AHI1: variants seen among roughly 807,000 people sequenced by gnomAD.
AHI1 encodes Abelson helper integration site 1.
Under a neutral mutation model 149.3 loss-of-function variants are expected in AHI1, and 123 were observed. That is an observed-to-expected ratio of 0.82 (90% CI 0.71 to 0.96). AHI1 has a LOEUF of 0.96. Ranked by LOEUF, AHI1 falls within the 40% of genes least tolerant of loss-of-function variation. AHI1 has a pLI of 0.00. For synonymous variants in AHI1, 475 were observed against 459.8 expected (o/e 1.03, Z -0.42); for missense variants, 1,439 against 1,422.7 (o/e 1.01, Z -0.18).
intron 26 of AHI1, chr6:135,301,734 A>G (rs984464395): frequency 1.0e-6 from 1 of 985,468 alleles, no homozygotes; most frequent in Non-Finnish European, 1.2e-6. Flanking sequence ...ACAACAAAAG[A>G]ACCCATGACA....
At chr6:135,454,257 A>G (rs1182365064) in intron 10 of AHI1, among the ~76,000 whole-genome samples, 2 of 152,228 alleles carry the variant, frequency 1.3e-5, no homozygotes, top group African/African-American at 4.8e-5. Context: ...ATTCCTAAAC[A>G]TATGTGTGGA....
chr6:135,403,423 G>A (rs886419783), intron 22 of AHI1, among the ~76,000 whole-genome samples: 10 of 152,064 alleles, frequency 6.6e-5, no homozygotes, highest in Admixed American at 6.5e-4. Context: ...TTTTCAATGA[G>A]TATTTATTCT....
rs566836128 is a variant in AHI1, at chr6:135,474,733, T to C, written c.136-7099A>G. On this transcript the variant is annotated intron_variant, in intron 5 of 28. Coordinates refer to ENST00000265602, the MANE Select transcript of AHI1 (RefSeq NM_001134831.2). ...TATGGTGAATTACATTGGATGCTTT[T>C]TCTAACACTGAACTGACAGTATATT... 3 of 152,354 alleles carry C rather than the reference T, an allele frequency of 2.0e-5. No homozygotes were observed. In the South Asian group the frequency reaches 6.2e-4, roughly 32 times the overall value. 9.4% of individuals were successfully genotyped at this position (152,354 alleles called of 1,614,324 possible).
At chr6:135,382,913 AAAAAAAAAAAAAAATATAT>A (rs1221894306) in intron 23 of AHI1, among the ~76,000 whole-genome samples, 2 of 104,426 alleles carry the variant, frequency 1.9e-5, no homozygotes, top group Admixed American at 2.1e-4. Context: ...AAAAAAAAAA[AAAAAAAAAAAAAAATATAT>A]ATATATATAT....
intron 14 of AHI1, 139 bp from the exon 15 acceptor site, chr6:135,438,637 A>C (rs940951291): frequency 9.0e-5 from 56 of 625,142 alleles, no homozygotes; most frequent in Non-Finnish European, 1.2e-4. Context: ...GCACAGAGAA[A>C]ATTTCAAAAT....
intron 28 of AHI1, 112 bp downstream of exon 28, chr6:135,290,311 G>C: frequency 1.3e-6 from 1 of 743,024 alleles, no homozygotes; most frequent in Non-Finnish European, 2.4e-6. Flanking sequence ...AATGGGACTT[G>C]TCAGTCCTTA....
intron 26 of AHI1, 42 bp from the exon 27 acceptor site, chr6:135,300,600 GA>G: frequency 6.4e-7 from 1 of 1,571,632 alleles, no homozygotes; most frequent in Non-Finnish European, 8.6e-7. Flanking sequence ...TAAAAAATGA[GA>G]AAAGACAACA....
intron 5 of AHI1, among the ~76,000 whole-genome samples, chr6:135,483,851 CA>C (rs1352483537): frequency 1.3e-5 from 2 of 152,136 alleles, no homozygotes; most frequent in Non-Finnish European, 2.9e-5. Context: ...AGGCACTGTT[CA>C]AATTTAGTGA....
rs1365659624 is a variant in AHI1 at position 135,388,885 on chromosome 6, G to A, written c.3109+5891C>T. ...AAATTAGCTAGGCATGGTGGCAGGCGCCTGCAATCCCAGCTACTCAGGAGG... is the reference window on the plus strand; with the variant it reads ...AAATTAGCTAGGCATGGTGGCAGGCACCTGCAATCCCAGCTACTCAGGAGG... On this transcript the variant is annotated intron_variant, in intron 23 of 28. Transcript: ENST00000265602. Among the ~76,000 whole-genome samples the A allele has an allele frequency of 4.0e-5, 6 of 151,512 alleles. No individual in the cohort carries two copies. In the East Asian group the frequency reaches 9.7e-4, roughly 24 times the overall value.
intron 5 of AHI1, among the ~76,000 whole-genome samples, chr6:135,469,674 C>T (rs545944896): frequency 1.8e-4 from 27 of 152,126 alleles, no homozygotes; most frequent in African/African-American, 6.3e-4. Flanking sequence ...ACACATCAAC[C>T]ATCCTGTATT....
At chr6:135,472,879 T>C (rs1791972411) in intron 5 of AHI1, among the ~76,000 whole-genome samples, 1 of 152,238 alleles carries the variant, frequency 6.6e-6, no homozygotes, top group African/African-American at 2.4e-5. Flanking sequence ...TAAAATATTC[T>C]AGATACAACA....
At chr6:135,315,132 T>C (rs1450762681) in intron 26 of AHI1, among the ~76,000 whole-genome samples, 3 of 152,178 alleles carry the variant, frequency 2.0e-5, no homozygotes, top group African/African-American at 4.8e-5. Flanking sequence ...TCCTAACTCT[T>C]GCTATCATCC....
chr6:135,308,779 G>T (rs1784812411), intron 26 of AHI1, among the ~76,000 whole-genome samples: 1 of 152,188 alleles, frequency 6.6e-6, no homozygotes, highest in Non-Finnish European at 1.5e-5. Flanking sequence ...AATTTAGGAA[G>T]ATATCGAGGA....
At chr6:135,427,836 A>G (rs1473727861) in intron 19 of AHI1, among the ~76,000 whole-genome samples, 1 of 151,514 alleles carries the variant, frequency 6.6e-6, no homozygotes, top group Non-Finnish European at 1.5e-5. Context: ...AATCCAGGAA[A>G]ATCAGTCAGG....
intron 24 of AHI1, among the ~76,000 whole-genome samples, chr6:135,341,804 A>G (rs1235779835): frequency 1.3e-5 from 2 of 151,982 alleles, no homozygotes; most frequent in Admixed American, 6.5e-5. Flanking sequence ...TGGGGTGTAG[A>G]AAAAGCAGTA....
At chr6:135,304,694 C>A (rs780902241) in intron 26 of AHI1, among the ~76,000 whole-genome samples, 13 of 152,180 alleles carry the variant, frequency 8.5e-5, no homozygotes, top group South Asian at 6.2e-4. Flanking sequence ...TTGCTTGAAC[C>A]CAGGAGGCGG....
Position 135,441,790 on chromosome 6 carries a change from G to A in AHI1, c.1912+792C>T, listed in dbSNP as rs974287194. On this transcript the variant is annotated intron_variant, in intron 14 of 28. Transcript: ENST00000265602. Reference sequence around the variant, plus strand: ...AAAAATAGCATAGTGGTAATCAAACGACACAAGTGATTTTTTATTTTTAAA... The same window carrying A: ...AAAAATAGCATAGTGGTAATCAAACAACACAAGTGATTTTTTATTTTTAAA... Among the ~76,000 whole-genome samples, 4 of 151,924 alleles carry A rather than the reference G, an allele frequency of 2.6e-5. No individual in the cohort carries two copies. The East Asian group carries it at 5.8e-4, about 22-fold the overall frequency.
At chr6:135,493,016 T>C in intron 3 of AHI1, 1 of 959,066 alleles carries the variant, frequency 1.0e-6, no homozygotes, top group South Asian at 4.8e-5. Context: ...ATTATTGATT[T>C]GTTTGTTTTT....
intron 5 of AHI1, among the ~76,000 whole-genome samples, chr6:135,478,966 T>C (rs34958884): frequency 0.078 from 11,829 of 152,318 alleles, 1,096 homozygotes; most frequent in African/African-American, 0.22. Context: ...GGTGAAAGCC[T>C]CAAGTCTTGG....
Sources: allele counts gnomAD v4.1 joint callset (sites outside exome capture counted in the v4.1 genomes callset), GRCh38; gene constraint gnomAD v4.1.1; transcripts MANE v1.5; gene names NCBI Gene and HGNC (gene_info 2026-07-23, HGNC 2026-07-21).